HR: variants seen among roughly 807,000 people sequenced by gnomAD.
HR encodes HR lysine demethylase and nuclear receptor corepressor.
Under a neutral mutation model 128.6 loss-of-function variants are expected in HR, and 83 were observed. That is an observed-to-expected ratio of 0.65 (90% CI 0.54 to 0.77). The LOEUF is 0.77. Among genes scored for constraint, HR ranks in the 30% least tolerant of loss-of-function variants. The pLI is 0.00. For missense variants in HR, 1,490 were observed against 1,574.6 expected, an observed-to-expected ratio of 0.95 and a Z score of 0.91; for synonymous variants, 681 against 658.2, an observed-to-expected ratio of 1.03 and a Z score of -0.53.
chr8:22,121,298 C>T, intron 9 of HR, 70 bp from the exon 10 acceptor site: 1 of 1,566,102 alleles, frequency 6.4e-7, no homozygotes, highest in Non-Finnish European at 8.7e-7. Flanking sequence ...CCCTCTTGCC[C>T]ATGCTGCTCT....
At chr8:22,115,843 T>C in intron 18 of HR, 81 bp from the exon 19 acceptor site, 1 of 1,392,536 alleles carries the variant, frequency 7.2e-7, no homozygotes, top group Non-Finnish European at 1.0e-6. Flanking sequence ...TTAAAAGGAA[T>C]ACTCTGGCCA....
chr8:22,127,467 G>T lies in HR; in HGVS notation c.975C>A (p.Gly325=), dbSNP rs759509275. The T allele has an allele frequency of 1.2e-6, 2 of 1,610,910 alleles. No individual in the cohort carries two copies. The highest frequency in any genetic ancestry group is 3.3e-5 in the Admixed American group (2 of 59,940). ...PSPEPPVTQR[G]CCSSYPPTKG... is the part of the protein sequence containing the mutation. ...TAGTGGGTGGGTAGGATGAACAGCA[G>T]CCCCGCTGGGTGACAGGCGGCTCAG... Residue 325 remains glycine (G), a synonymous_variant, in exon 3 of 19, where the codon GGC becomes GGA. Coordinates refer to ENST00000381418, the MANE Select transcript of HR (RefSeq NM_005144.5).
intron 6 of HR, 108 bp downstream of exon 6, chr8:22,123,541 A>C: frequency 1.9e-6 from 2 of 1,079,704 alleles, no homozygotes; most frequent in Non-Finnish European, 1.3e-6. Flanking sequence ...GGGGCTGTGC[A>C]GTGGGTAGGG....
intron 8 of HR, among the ~76,000 whole-genome samples, chr8:22,122,143 C>T (rs980991475): frequency 8.5e-5 from 13 of 152,132 alleles, no homozygotes; most frequent in African/African-American, 2.9e-4. Context: ...TGTTAGGTGC[C>T]GGGATACTGA....
chr8:22,123,617 T>TGCCCCCCCCCCCC, intron 6 of HR, 32 bp downstream of exon 6: 2 of 292,092 alleles, frequency 6.8e-6, no homozygotes, highest in South Asian at 6.1e-5. Context: ...GAGGGCTCCA[T>TGCCCCCCCCCCCC]CCCGCCCTCC....
At chr8:22,126,566 A>G (rs1253787087) in intron 3 of HR, among the ~76,000 whole-genome samples, 1 of 152,218 alleles carries the variant, frequency 6.6e-6, no homozygotes, top group Non-Finnish European at 1.5e-5. Context: ...CACGGTGAAC[A>G]TTTACTGAGT....
intron 9 of HR, 132 bp from the exon 10 acceptor site, chr8:22,121,360 A>G (rs1826748423): frequency 2.4e-6 from 3 of 1,225,882 alleles, no homozygotes; most frequent in East Asian, 4.8e-5. Context: ...CCCCCACCTC[A>G]GCTCTGCTCT....
In HR at chr8:22,127,657, T is replaced by C; in HGVS notation, c.785A>G (p.Asn262Ser). Residue 262 changes from asparagine (N) to serine (S), a missense_variant, in exon 3 of 19, where the codon AAT becomes AGT. By Grantham distance (46) the Asn-to-Ser change is conservative (BLOSUM62 1). Transcript: ENST00000381418. ...CTGCCCCAGGAAGAGCGGGCAAGGA[T>C]TCTGCTGCCGGCCAGCTCCCATCTC... is the stretch of plus-strand genomic sequence containing the variant. ...DGEMGAGRQQ[N>S]PCPLFLGQPD... The C allele has an allele frequency of 6.2e-7, 1 of 1,609,408 alleles. No individual in the cohort carries two copies. Among genetic ancestry groups the C allele is most frequent in the East Asian group, 2.2e-5 (1 of 44,832 alleles).
chr8:22,115,733 C>A lies in HR; in HGVS notation c.3537G>T (p.Lys1179Asn). 1 of 1,614,050 alleles carries A rather than the reference C, an allele frequency of 6.2e-7. No homozygotes were observed. The highest frequency in any genetic ancestry group is 8.5e-7 in the Non-Finnish European group (1 of 1,180,020). The change falls in exon 19 of 19, where the codon AAG becomes AAT. Residue 1179 changes from lysine to asparagine, a missense_variant. Transcript: ENST00000381418. ...QMDWAVFQAV[K>N]VAVGTLQEAK The stretch of plus-strand genomic sequence containing the variant: ...CCTCCTGTAATGTCCCCACGGCCAC[C>A]TTCACTGCTTGGAACACAGCCCAGT...
In HR at chr8:22,127,387, G is replaced by A. The variant is rs115396678; in HGVS notation, c.1055C>T (p.Ala352Val). ...CTCGCTGGGTTCGCTGGCTCCACTGGCACCCCCCTCCAGGCCCTCCTGGCA... is the reference window on the plus strand; with the variant it reads ...CTCGCTGGGTTCGCTGGCTCCACTGACACCCCCCTCCAGGCCCTCCTGGCA... ...GKCQEGLEGG[A>V]SGASEPSEEV... is the part of the protein sequence containing the mutation. The change falls in exon 3 of 19, where the codon GCC becomes GTC. Residue 352 changes from alanine (A) to valine (V), a missense_variant. Around this residue, in one of 3 missense-constraint regions of HR, gnomAD observed 1,060 missense variants for 1,060.9 expected, o/e 1.00. Coordinates refer to ENST00000381418, the MANE Select transcript of HR (RefSeq NM_005144.5). The A allele has an allele frequency of 2.4e-3, 3,906 of 1,613,270 alleles. 83 individuals carry two copies. The African/African-American group carries it at 0.046, about 19-fold the overall frequency.
Position 22,119,857 on chromosome 8 carries a change from CG to C in HR, c.2879del (p.Pro960ArgfsTer35). The C allele has an allele frequency of 1.2e-6, 2 of 1,613,756 alleles. No individual in the cohort carries two copies. Among genetic ancestry groups the C allele is most frequent in the Non-Finnish European group, 1.7e-6 (2 of 1,180,004 alleles). ...GTTTTCCATGGAGGGCGCAGTACTCCGGAAGTGGCAGACTGGCAGCTAGGTT... is the reference window on the plus strand; with the variant it reads ...GTTTTCCATGGAGGGCGCAGTACTCCGAAGTGGCAGACTGGCAGCTAGGTT... ...VENLAASLPL[P>X]EYCALHGKLN... On this transcript the variant is annotated frameshift_variant, in exon 14 of 19. Transcript: ENST00000381418. LOFTEE classifies it high-confidence loss of function.
At position 22,126,951 on chromosome 8, in the gene HR, A is replaced by T. The variant is rs77688712; in HGVS notation, c.1405+86T>A. 114 of 1,372,492 alleles carry T rather than the reference A, an allele frequency of 8.3e-5. 1 individual carries two copies. The East Asian group carries it at 2.4e-3, about 28-fold the overall frequency. 85.0% of individuals were successfully genotyped at this position (1,372,492 alleles called of 1,614,324 possible). A position where few individuals can be genotyped will look rare whatever the true frequency, so the allele number is the denominator to read the frequency against. On this transcript the variant is annotated intron_variant, in intron 3 of 18. Coordinates refer to ENST00000381418, the MANE Select transcript of HR (RefSeq NM_005144.5). ...GACCACTGGTTGTGGTCCACTCATA[A>T]AGCCTACAGACCCCGCCCCATGCGA...
rs781451679 is a variant in HR at position 22,127,625 on chromosome 8, T to G, written c.817A>C (p.Thr273Pro). Residue 273 changes from threonine to proline, a missense_variant, in exon 3 of 19, where the codon ACT (threonine) becomes CCT (proline). Thr to Pro is a conservative substitution (Grantham distance 38). This residue lies in a region of HR where 1,060 missense variants were observed against 1,060.9 expected (regional missense o/e 1.00). Transcript: ENST00000381418. ...PCPLFLGQPDTVPWTSWPACP... is the reference protein window; with the variant it reads ...PCPLFLGQPDPVPWTSWPACP... ...GCGGGCCAGGAGGTCCAGGGCACAG[T>G]GTCTGGCTGCCCCAGGAAGAGCGGG... The G allele has an allele frequency of 6.2e-7, 1 of 1,610,284 alleles. No individual in the cohort carries two copies. The highest frequency in any genetic ancestry group is 8.5e-7 in the Non-Finnish European group (1 of 1,179,134).
intron 2 of HR, 139 bp downstream of exon 2, chr8:22,128,420 C>T: frequency 1.6e-6 from 2 of 1,243,844 alleles, no homozygotes; most frequent in Non-Finnish European, 2.3e-6. Context: ...ACTGTGGGGC[C>T]TGGGACAGCT....
intron 18 of HR, 97 bp from the exon 19 acceptor site, chr8:22,115,859 G>A (rs1826572673): frequency 5.0e-6 from 6 of 1,210,938 alleles, no homozygotes; most frequent in Non-Finnish European, 7.1e-6. Flanking sequence ...GGCCAGATGC[G>A]GTGGCTCACA....
rs768432833 is a variant in HR, at chr8:22,116,342, C to G, written c.3465G>C (p.Gln1155His). The change falls in exon 18 of 19, where the codon CAG becomes CAC. Residue 1155 changes from glutamine (Q) to histidine (H), a missense_variant. Gln to His is a conservative substitution (Grantham distance 24). Coordinates refer to ENST00000381418, the MANE Select transcript of HR (RefSeq NM_005144.5). The surrounding 1 kb of genome is among the most constrained non-coding windows in gnomAD (Gnocchi z 4.2). ...GGCAGTCAGGGGGAAGGCTGGGTCC[C>G]TGGTGGCAGAGCTGAGCAGAGAGGG... ...TSALSAQLCH[Q>H]GPSLPPDCHL... 1 of 1,612,966 alleles carries G rather than the reference C, an allele frequency of 6.2e-7. No individual in the cohort carries two copies. The highest frequency in any genetic ancestry group is 1.1e-5 in the South Asian group (1 of 90,996).
At chr8:22,118,720 C>T in intron 16 of HR, 1 of 583,746 alleles carries the variant, frequency 1.7e-6, no homozygotes, top group Non-Finnish European at 3.1e-6. Flanking sequence ...CTCATTTCAT[C>T]ATCGGGTCCA....
At position 22,128,603 on chromosome 8, in the gene HR, C is replaced by T. The variant is rs1168393492; in HGVS notation, c.568G>A (p.Gly190Arg). 1.1e-5 allele frequency: 18 copies of T among 1,608,290 alleles called. No individual in the cohort carries two copies. The highest frequency in any genetic ancestry group is 4.5e-5 in the East Asian group (2 of 44,736). The change falls in exon 2 of 19, where the codon GGG becomes AGG. Residue 190 changes from glycine to arginine, a missense_variant. Gly to Arg is a moderately radical substitution (Grantham distance 125, BLOSUM62 -2). Around this residue, in one of 3 missense-constraint regions of HR, gnomAD observed 1,060 missense variants for 1,060.9 expected, o/e 1.00. Coordinates refer to ENST00000381418, the MANE Select transcript of HR (RefSeq NM_005144.5). ...GCAGAGGGCACTTTGGGCTGGCCCC[C>T]GGAGTATACCCAGGGGTGCGGGGTC... ...PLTPHPWVYS[G>R]GQPKVPSAFS... is the part of the protein sequence containing the mutation.
chr8:22,119,336 C>T lies in HR; in HGVS notation c.2978-53G>A, dbSNP rs185627196. 176 of 1,609,386 alleles carry T rather than the reference C, an allele frequency of 1.1e-4. No homozygotes were observed. In the East Asian group the frequency reaches 2.5e-3, roughly 23 times the overall value. ...AGAAATGGAATCAGAGAGCCAGGCG[C>T]GGTTGCTCACGCCTGTAATCCTGGC... On this transcript the variant is annotated intron_variant, in intron 14 of 18. Transcript: ENST00000381418.
Sources: gnomAD v4.1 joint callset for allele counts (sites outside exome capture counted in the v4.1 genomes callset) on GRCh38, gnomAD v4.1.1 for gene constraint, gnomAD v4.1.1 regional missense constraint, Gnocchi (gnomAD v3.1) non-coding constraint, MANE v1.5 for transcripts, NCBI Gene and HGNC (gene_info 2026-07-23, HGNC 2026-07-21) for gene names.